GLRA1: variants seen among roughly 807,000 people sequenced by gnomAD.
GLRA1 encodes the protein glycine receptor alpha 1.
GLRA1 carries 37 observed loss-of-function variants against 48.3 expected under a neutral mutation model. That is an observed-to-expected ratio of 0.77 (90% CI 0.59 to 1.01). The LOEUF (loss-of-function observed/expected upper bound fraction) is 1.01. Among genes scored for constraint, GLRA1 ranks in the 50% least tolerant of loss-of-function variants. The pLI, the probability that GLRA1 is intolerant of heterozygous loss-of-function variation, is 0.00. For missense variants in GLRA1, 427 were observed against 571.0 expected (o/e 0.75, Z 2.57); for synonymous variants, 196 against 210.7 (o/e 0.93, Z 0.60).
chr5:151,849,260 T>TCTC (rs1351544467), intron 7 of GLRA1, among the ~76,000 whole-genome samples: 7,076 of 79,540 alleles, frequency 0.089, 1,526 homozygotes, highest in Non-Finnish European at 0.13. Context: ...CCTTCTTTCT[T>TCTC]TCTCTCTCTC....
chr5:151,893,452 A>C (rs1015323005), intron 1 of GLRA1, among the ~76,000 whole-genome samples: 1 of 151,752 alleles, frequency 6.6e-6, no homozygotes, highest in East Asian at 1.9e-4. Flanking sequence ...TCAACTTGTC[A>C]TCTAGGTTTT....
At chr5:151,871,314 G>A in intron 3 of GLRA1, among the ~76,000 whole-genome samples, 1 of 149,126 alleles carries the variant, frequency 6.7e-6, no homozygotes, top group African/African-American at 2.6e-5. Context: ...AAGTGTAATG[G>A]AAAAAGGAAC....
At chr5:151,924,302 C>G (rs1754951514) in intron 1 of GLRA1, among the ~76,000 whole-genome samples, 192 bp downstream of exon 1, 1 of 121,222 alleles carries the variant, frequency 8.2e-6, no homozygotes, top group African/African-American at 3.0e-5. Flanking sequence ...AGCCAGACAC[C>G]CTGCGGGCGG....
At chr5:151,848,957 A>G in intron 7 of GLRA1, 1 of 717,932 alleles carries the variant, frequency 1.4e-6, no homozygotes, top group Non-Finnish European at 2.6e-6. Flanking sequence ...TCAGGGTGAG[A>G]AAGTCCAGGC....
chr5:151,900,581 C>A (rs1339237694), intron 1 of GLRA1, among the ~76,000 whole-genome samples: 1 of 152,160 alleles, frequency 6.6e-6, no homozygotes, highest in East Asian at 1.9e-4. Context: ...GGTGAGAAAA[C>A]TGAGGCTTAA....
intron 1 of GLRA1, among the ~76,000 whole-genome samples, chr5:151,895,724 G>C (rs1445351319): frequency 2.6e-5 from 4 of 151,774 alleles, no homozygotes; most frequent in Non-Finnish European, 4.4e-5. Context: ...GCTGCACCAT[G>C]GAGCCCACAT....
At chr5:151,860,679 T>A (rs935444844) in intron 3 of GLRA1, among the ~76,000 whole-genome samples, 2 of 152,234 alleles carry the variant, frequency 1.3e-5, no homozygotes, top group Non-Finnish European at 1.5e-5. Flanking sequence ...TTGATTTGTT[T>A]GGAAAGGTTT....
At chr5:151,834,978 A>G (rs1233985879) in intron 7 of GLRA1, among the ~76,000 whole-genome samples, 3 of 148,060 alleles carry the variant, frequency 2.0e-5, no homozygotes, top group Non-Finnish European at 4.5e-5. Context: ...CAGTGAGCCA[A>G]GATTGCGCCA....
intron 3 of GLRA1, among the ~76,000 whole-genome samples, chr5:151,879,329 C>CTT (rs35141091): frequency 0.013 from 1,888 of 148,114 alleles, 35 homozygotes; most frequent in African/African-American, 0.031. Flanking sequence ...AACTAACTTC[C>CTT]TTTTTTTTTT....
At chr5:151,922,016 G>T (rs1011484368) in intron 1 of GLRA1, among the ~76,000 whole-genome samples, 1 of 152,110 alleles carries the variant, frequency 6.6e-6, no homozygotes, top group African/African-American at 2.4e-5. Context: ...GTTTTTGTTT[G>T]TTTGTTTTGC....
intron 2 of GLRA1, among the ~76,000 whole-genome samples, chr5:151,888,070 G>A (rs570880826): frequency 6.6e-6 from 1 of 152,202 alleles, no homozygotes; most frequent in East Asian, 1.9e-4. Flanking sequence ...ACTTGACAAA[G>A]GTAGCACCAA....
intron 2 of GLRA1, among the ~76,000 whole-genome samples, chr5:151,887,178 C>T (rs1011550609): frequency 6.6e-6 from 1 of 152,194 alleles, no homozygotes; most frequent in Non-Finnish European, 1.5e-5. Flanking sequence ...TTACAAGGAA[C>T]AGCAAGCTCC....
chr5:151,823,588 GCTT>G (rs1295257273), intron 8 of GLRA1, among the ~76,000 whole-genome samples: 2 of 152,196 alleles, frequency 1.3e-5, no homozygotes, highest in Non-Finnish European at 2.9e-5. Context: ...GGAAGCCACA[GCTT>G]CTTCCTGCCT....
intron 8 of GLRA1, among the ~76,000 whole-genome samples, chr5:151,826,433 G>A (rs1489949746): frequency 1.3e-5 from 2 of 152,142 alleles, no homozygotes; most frequent in Non-Finnish European, 2.9e-5. Context: ...GCTTCAGGAT[G>A]GACACACTGA....
At chr5:151,899,185 G>A (rs1289840239) in intron 1 of GLRA1, among the ~76,000 whole-genome samples, 3 of 152,156 alleles carry the variant, frequency 2.0e-5, no homozygotes. Context: ...CTGTCCAGTA[G>A]ATAGAATAGT....
intron 1 of GLRA1, among the ~76,000 whole-genome samples, chr5:151,911,905 G>A (rs577869878): frequency 4.6e-5 from 7 of 151,838 alleles, no homozygotes; most frequent in Admixed American, 4.6e-4. Context: ...ACCGCGCCCG[G>A]CCCCAAGCTA....
intron 2 of GLRA1, among the ~76,000 whole-genome samples, chr5:151,888,424 A>C (rs191583555): frequency 6.6e-6 from 1 of 152,246 alleles, no homozygotes; most frequent in Admixed American, 6.5e-5. Context: ...TTTCCTCATC[A>C]ATCTGGAGAG....
chr5:151,871,085 T>TGGTA (rs948534598), intron 3 of GLRA1, among the ~76,000 whole-genome samples: 31 of 149,518 alleles, frequency 2.1e-4, no homozygotes, highest in Admixed American at 1.3e-4. Context: ...ATCCAGCAGA[T>TGGTA]GGTACCAAGA....
At chr5:151,879,136 C>T (rs569234705) in intron 3 of GLRA1, among the ~76,000 whole-genome samples, 1 of 152,362 alleles carries the variant, frequency 6.6e-6, no homozygotes, top group African/African-American at 2.4e-5. Context: ...CCACCCCTTG[C>T]ATCAGTGTGA....
Sources: allele counts gnomAD v4.1 joint callset (sites outside exome capture counted in the v4.1 genomes callset), GRCh38; gene constraint gnomAD v4.1.1; transcripts MANE v1.5; gene names NCBI Gene and HGNC (gene_info 2026-07-23, HGNC 2026-07-21).